Variants in MCTP1 observed in about 807,000 individuals in gnomAD.
MCTP1 encodes the protein multiple C2 and transmembrane domain-containing protein 1.
In MCTP1, 69 loss-of-function variants were observed where a neutral mutation model predicts 120.6. The observed-to-expected ratio is 0.57, with a 90% CI of 0.47 to 0.70. MCTP1 has a LOEUF of 0.70. Among genes scored for constraint, MCTP1 ranks in the 30% least tolerant of loss-of-function variants. MCTP1 has a pLI of 0.00. For synonymous variants in MCTP1, 529 were observed against 493.1 expected (o/e 1.07, Z -0.96); for missense variants, 1,203 against 1,248.8 (o/e 0.96, Z 0.55).
chr5:95,106,763 A>G (rs952596651), intron 1 of MCTP1, among the ~76,000 whole-genome samples: 7 of 152,214 alleles, frequency 4.6e-5, no homozygotes, highest in African/African-American at 1.7e-4. Flanking sequence ...AAAGGTTAGC[A>G]GGCCACATGC....
intron 1 of MCTP1, among the ~76,000 whole-genome samples, chr5:95,140,368 T>G (rs1420871331): frequency 6.6e-6 from 1 of 152,138 alleles, no homozygotes; most frequent in Non-Finnish European, 1.5e-5. Context: ...TTGGTACTTT[T>G]GTTACTTCTC....
chr5:94,959,877 C>A (rs1056839468), intron 2 of MCTP1, among the ~76,000 whole-genome samples: 4 of 152,070 alleles, frequency 2.6e-5, no homozygotes, highest in African/African-American at 9.7e-5. Context: ...GCTATTCCCA[C>A]CAAGTTACCA....
intron 1 of MCTP1, among the ~76,000 whole-genome samples, chr5:95,136,032 G>A (rs1250178828): frequency 6.6e-6 from 1 of 152,174 alleles, no homozygotes; most frequent in Admixed American, 6.5e-5. Flanking sequence ...TTTAAAATCT[G>A]TCCCTAAACT....
At chr5:95,138,202 G>A (rs1023938984) in intron 1 of MCTP1, among the ~76,000 whole-genome samples, 1 of 150,690 alleles carries the variant, frequency 6.6e-6, no homozygotes, top group Non-Finnish European at 1.5e-5. Context: ...TGTGTACCAA[G>A]ATGCATTCAT....
At position 94,704,047 on chromosome 5, in the gene MCTP1, G is replaced by A. The variant is rs1754014896; in HGVS notation, c.*3449C>T. ...CAGTGAGTTACACCAATCATCCCAG[G>A]AAAAAGAATTATAATTGAAAGGAAT... On this transcript the variant is annotated 3_prime_UTR_variant, in exon 23 of 23. Coordinates refer to ENST00000515393, the MANE Select transcript of MCTP1 (RefSeq NM_024717.7). 6.6e-6 allele frequency: 1 copy of A among 150,918 alleles called. No individual in the cohort carries two copies. Among genetic ancestry groups the A allele is most frequent in the Non-Finnish European group, 1.5e-5 (1 of 67,524 alleles). 9.3% of individuals were successfully genotyped at this position (150,918 alleles called of 1,614,324 possible).
At chr5:94,784,405 A>T (rs1482792990) in intron 18 of MCTP1, among the ~76,000 whole-genome samples, 1 of 152,104 alleles carries the variant, frequency 6.6e-6, no homozygotes, top group Non-Finnish European at 1.5e-5. Flanking sequence ...ATTTCAAATC[A>T]CTTGAAAGTA....
intron 1 of MCTP1, among the ~76,000 whole-genome samples, chr5:95,089,136 A>G (rs1301948787): frequency 6.6e-6 from 1 of 152,224 alleles, no homozygotes; most frequent in Admixed American, 6.5e-5. Context: ...ACCATAAAAT[A>G]CTATAGGTCT....
chr5:94,942,008 G>C (rs1817849556), intron 4 of MCTP1, among the ~76,000 whole-genome samples: 1 of 151,994 alleles, frequency 6.6e-6, no homozygotes, highest in Non-Finnish European at 1.5e-5. Context: ...TGACTAACGT[G>C]CATAATCTTT....
intron 1 of MCTP1, among the ~76,000 whole-genome samples, chr5:95,236,612 A>T (rs1191865593): frequency 6.6e-6 from 1 of 152,222 alleles, no homozygotes; most frequent in African/African-American, 2.4e-5. Context: ...AAAAGTCAAT[A>T]TGCAATTTAG....
At chr5:95,238,868 C>T (rs755802206) in intron 1 of MCTP1, among the ~76,000 whole-genome samples, 7 of 152,172 alleles carry the variant, frequency 4.6e-5, no homozygotes, top group Non-Finnish European at 1.0e-4. Flanking sequence ...GTATATGCAG[C>T]ACATCTAACT....
intron 1 of MCTP1, chr5:95,068,776 GA>G (rs765544503): frequency 2.7e-4 from 345 of 1,270,430 alleles, no homozygotes; most frequent in Non-Finnish European, 3.2e-4. Flanking sequence ...TTTCCACTTT[GA>G]AACTTACGTT....
intron 3 of MCTP1, among the ~76,000 whole-genome samples, chr5:94,951,326 T>C (rs1314370617): frequency 6.6e-6 from 1 of 152,220 alleles, no homozygotes; most frequent in Non-Finnish European, 1.5e-5. Context: ...ATACTTATTC[T>C]TGAGCACAAA....
chr5:94,893,879 CT>C (rs1157591997), intron 11 of MCTP1, among the ~76,000 whole-genome samples: 3 of 152,162 alleles, frequency 2.0e-5, no homozygotes, highest in Non-Finnish European at 4.4e-5. Flanking sequence ...AGTGGAAAAG[CT>C]TTTTTCCCAG....
intron 17 of MCTP1, among the ~76,000 whole-genome samples, chr5:94,800,183 A>G (rs895349419): frequency 3.3e-5 from 5 of 152,198 alleles, no homozygotes; most frequent in Non-Finnish European, 5.9e-5. Context: ...TTTCGCAAAA[A>G]CCAAAACCCA....
intron 1 of MCTP1, among the ~76,000 whole-genome samples, chr5:95,154,495 A>G (rs999694317): frequency 3.3e-5 from 5 of 152,208 alleles, no homozygotes; most frequent in Non-Finnish European, 5.9e-5. Context: ...ATTCTAACAT[A>G]CAACATAATG....
intron 2 of MCTP1, among the ~76,000 whole-genome samples, chr5:95,012,159 C>G (rs1373364178): frequency 6.6e-6 from 1 of 152,048 alleles, no homozygotes; most frequent in Admixed American, 6.6e-5. Context: ...ATTTTTATTT[C>G]TAGATATCTG....
At chr5:95,082,767 C>A (rs993614123) in intron 1 of MCTP1, among the ~76,000 whole-genome samples, 5 of 152,086 alleles carry the variant, frequency 3.3e-5, no homozygotes, top group African/African-American at 1.2e-4. Context: ...TCCACTTGAG[C>A]TAGCTATATG....
At chr5:95,088,709 C>G (rs1755627467) in intron 1 of MCTP1, among the ~76,000 whole-genome samples, 1 of 152,164 alleles carries the variant, frequency 6.6e-6, no homozygotes, top group Non-Finnish European at 1.5e-5. Context: ...TTACTATTTG[C>G]TAGATACTGT....
At chr5:95,038,631 G>A (rs373541029) in intron 1 of MCTP1, among the ~76,000 whole-genome samples, 5 of 152,196 alleles carry the variant, frequency 3.3e-5, no homozygotes, top group South Asian at 2.1e-4. Context: ...AGTGATAAAT[G>A]AGCCTAACTC....
Sources: allele counts gnomAD v4.1 joint callset (sites outside exome capture counted in the v4.1 genomes callset), GRCh38; gene constraint gnomAD v4.1.1; transcripts MANE v1.5; gene names NCBI Gene and HGNC (gene_info 2026-07-23, HGNC 2026-07-21).